ADAM12: variants seen among roughly 807,000 people sequenced by gnomAD.
ADAM12 encodes the protein disintegrin and metalloproteinase domain-containing protein 12.
ADAM12 carries 70 observed loss-of-function variants against 106.4 expected under a neutral mutation model. That is an observed-to-expected ratio of 0.66 (90% CI 0.54 to 0.80). ADAM12 has a LOEUF of 0.80. Ranked by LOEUF, ADAM12 falls within the 30% of genes least tolerant of loss-of-function variation. The pLI is 0.00. For synonymous variants in ADAM12, 420 were observed against 433.5 expected (o/e 0.97, Z 0.39); for missense variants, 1,010 against 1,171.9 (o/e 0.86, Z 2.02).
At chr10:126,230,732 G>A (rs750076187) in intron 3 of ADAM12, among the ~76,000 whole-genome samples, 1 of 152,124 alleles carries the variant, frequency 6.6e-6, no homozygotes, top group Non-Finnish European at 1.5e-5. Flanking sequence ...AACGTCTTTT[G>A]CTTCCTGATT....
rs375927669 is a variant in ADAM12, at chr10:126,080,480, C to G, written c.1146-8826G>C. ...AGGAAAGAAGCCCTTTAGCACGATC[C>G]TTTCCCTTGGCGTGAGAATGCTTTA... On this transcript the variant is annotated intron_variant, in intron 11 of 22. Coordinates refer to ENST00000448723, the MANE Select transcript of ADAM12 (RefSeq NM_001288973.2). Among the ~76,000 whole-genome samples, 189 of 152,232 alleles carry G rather than the reference C, an allele frequency of 1.2e-3. 3 individuals are homozygous for G. The South Asian group carries it at 0.025, about 20-fold the overall frequency.
intron 4 of ADAM12, among the ~76,000 whole-genome samples, chr10:126,142,893 TTG>T (rs1392232434): frequency 6.6e-6 from 1 of 151,888 alleles, no homozygotes; most frequent in African/African-American, 2.4e-5. Flanking sequence ...GTGCGTATAT[TTG>T]TGTGTGTGCA....
chr10:126,269,717 C>T (rs907272123), intron 3 of ADAM12, among the ~76,000 whole-genome samples: 1 of 152,130 alleles, frequency 6.6e-6, no homozygotes, highest in African/African-American at 2.4e-5. Flanking sequence ...CGTCAGAAAA[C>T]CCTGAGTCTG....
rs755796988 is a variant in ADAM12 at position 126,108,643 on chromosome 10, G to C, written c.691C>G (p.Leu231Val). 7.6e-5 allele frequency: 123 copies of C among 1,613,970 alleles called. 1 individual carries two copies. Among genetic ancestry groups the C allele is most frequent in the Non-Finnish European group, 1.0e-4 (121 of 1,179,954 alleles). Residue 231 changes from leucine to valine, a missense_variant, in exon 8 of 23, where the codon CTG becomes GTG. Coordinates refer to ENST00000448723, the MANE Select transcript of ADAM12 (RefSeq NM_001288973.2). Reference sequence around the variant, plus strand: ...ATTAATCGCTGCTTAACTTTTTCCAGATCTTTTCCTTGCCTCTGAAACTTA... The same window carrying C: ...ATTAATCGCTGCTTAACTTTTTCCACATCTTTTCCTTGCCTCTGAAACTTA... ...NREFQRQGKD[L>V]EKVKQRLIEI...
intron 3 of ADAM12, among the ~76,000 whole-genome samples, chr10:126,156,129 G>A (rs181816255): frequency 6.6e-6 from 1 of 152,282 alleles, no homozygotes; most frequent in Admixed American, 6.5e-5. Flanking sequence ...GCTAGCTGCT[G>A]GGATACAAAG....
chr10:126,386,996 G>T (rs532162276), intron 1 of ADAM12, among the ~76,000 whole-genome samples: 2 of 152,242 alleles, frequency 1.3e-5, no homozygotes, highest in Non-Finnish European at 2.9e-5. Context: ...CCACATTACA[G>T]TAGACGCGGT....
intron 11 of ADAM12, among the ~76,000 whole-genome samples, chr10:126,086,677 A>T (rs1955355412): frequency 1.8e-5 from 1 of 55,666 alleles, no homozygotes; most frequent in East Asian, 8.6e-4. Flanking sequence ...AAAAAAAAAA[A>T]AAAATATATA....
At chr10:126,289,182 G>A (rs1310105131) in intron 2 of ADAM12, among the ~76,000 whole-genome samples, 1 of 152,214 alleles carries the variant, frequency 6.6e-6, no homozygotes, top group African/African-American at 2.4e-5. Flanking sequence ...TGTTGCTGAA[G>A]TCAGCCTCTG....
rs566395947 is a variant in ADAM12 at position 126,106,932 on chromosome 10, G to A, written c.741+1661C>T. 2.6e-5 allele frequency among the ~76,000 whole-genome samples: 4 copies of A among 152,220 alleles called. No individual in the cohort carries two copies. In the East Asian group the frequency reaches 5.8e-4, roughly 22 times the overall value. The stretch of plus-strand genomic sequence containing the variant: ...ACATTCACCTAGCTCTCTATTCACT[G>A]CAGAATAACATCAAGATGGCTTCGT... On this transcript the variant is annotated intron_variant, in intron 8 of 22. Coordinates refer to ENST00000448723, the MANE Select transcript of ADAM12 (RefSeq NM_001288973.2).
chr10:126,161,728 G>T (rs1022473199), intron 3 of ADAM12, among the ~76,000 whole-genome samples: 2 of 152,136 alleles, frequency 1.3e-5, no homozygotes, highest in African/African-American at 4.8e-5. Flanking sequence ...TAATTTAAAA[G>T]GGGCCGGGAG....
chr10:126,100,708 TG>T (rs1955647563), intron 9 of ADAM12, among the ~76,000 whole-genome samples: 1 of 152,056 alleles, frequency 6.6e-6, no homozygotes, highest in Admixed American at 6.6e-5. Context: ...AGAGAGACTC[TG>T]TCTCAAAAAC....
intron 4 of ADAM12, among the ~76,000 whole-genome samples, chr10:126,139,245 T>A (rs1956465169): frequency 1.3e-5 from 2 of 152,156 alleles, no homozygotes; most frequent in African/African-American, 4.8e-5. Flanking sequence ...CATTTTTATG[T>A]CCTTTAGTCT....
At chr10:126,226,364 C>T (rs893815051) in intron 3 of ADAM12, among the ~76,000 whole-genome samples, 4 of 152,190 alleles carry the variant, frequency 2.6e-5, no homozygotes, top group African/African-American at 9.7e-5. Flanking sequence ...TGGGCACATG[C>T]CTTGCCTGGT....
intron 2 of ADAM12, among the ~76,000 whole-genome samples, chr10:126,295,268 G>A (rs998339406): frequency 6.6e-6 from 1 of 152,072 alleles, no homozygotes; most frequent in Non-Finnish European, 1.5e-5. Context: ...TCTGAGCCCA[G>A]TGTCCCTCAC....
intron 1 of ADAM12, among the ~76,000 whole-genome samples, chr10:126,338,931 C>G (rs1302682793): frequency 6.6e-6 from 1 of 152,158 alleles, no homozygotes; most frequent in African/African-American, 2.4e-5. Context: ...AAAAACAAGT[C>G]ATTCTGCATC....
At chr10:126,100,364 T>C (rs1955639001) in intron 9 of ADAM12, among the ~76,000 whole-genome samples, 1 of 152,114 alleles carries the variant, frequency 6.6e-6, no homozygotes, top group Non-Finnish European at 1.5e-5. Flanking sequence ...TGTCCTTAGA[T>C]ATTGTATAAA....
In ADAM12 at chr10:126,014,436, C is replaced by T. The variant is rs1032166602; in HGVS notation, c.*2843G>A. The T allele has an allele frequency of 2.4e-5, 3 of 126,092 alleles. No homozygotes were observed. Among genetic ancestry groups the T allele is most frequent in the South Asian group, 2.7e-4 (1 of 3,672 alleles). 7.8% of individuals were successfully genotyped at this position (126,092 alleles called of 1,614,324 possible). On this transcript the variant is annotated 3_prime_UTR_variant, in exon 23 of 23. Coordinates refer to ENST00000448723, the MANE Select transcript of ADAM12 (RefSeq NM_001288973.2). ...AGAAGGCATAAAAATGCCCCCCCCC[C>T]GAGACTCGTCAGGAGTATTGACTCT...
intron 2 of ADAM12, among the ~76,000 whole-genome samples, chr10:126,307,381 T>C (rs1403172733): frequency 6.6e-6 from 1 of 152,052 alleles, no homozygotes; most frequent in South Asian, 2.1e-4. Flanking sequence ...TGAGATGGAG[T>C]CTTGCTCTGT....
intron 2 of ADAM12, among the ~76,000 whole-genome samples, chr10:126,286,722 G>A (rs1273965215): frequency 2.0e-5 from 3 of 152,192 alleles, no homozygotes; most frequent in Non-Finnish European, 4.4e-5. Flanking sequence ...TTAAGGCACG[G>A]CAGCATTATA....
Sources: gnomAD v4.1 joint callset for allele counts (sites outside exome capture counted in the v4.1 genomes callset) on GRCh38, gnomAD v4.1.1 for gene constraint, MANE v1.5 for transcripts, NCBI Gene and HGNC (gene_info 2026-07-23, HGNC 2026-07-21) for gene names.